ZNF516: variants seen among roughly 807,000 people sequenced by gnomAD.
ZNF516 encodes the protein zinc finger protein 516.
In ZNF516, 19 loss-of-function variants were observed where a neutral mutation model predicts 79.7. That is an observed-to-expected ratio of 0.24 (90% confidence interval 0.17 to 0.35). The LOEUF is 0.35. Ranked by LOEUF, ZNF516 falls within the 10% of genes least tolerant of loss-of-function variation. ZNF516 has a pLI of 1.00. For missense variants in ZNF516, 1,678 were observed against 1,679.5 expected (o/e 1.00, Z 0.02); for synonymous variants, 877 against 739.5 (o/e 1.19, Z -3.02).
chr18:76,401,557 C>T (rs2554831), intron 3 of ZNF516, among the ~76,000 whole-genome samples: 1 of 151,804 alleles, frequency 6.6e-6, no homozygotes, highest in Non-Finnish European at 1.5e-5. Context: ...TCTCCGCCCA[C>T]GGGCTTCTCC....
chr18:76,442,001 C>A lies in ZNF516; in HGVS notation c.1054G>T (p.Ala352Ser). 2 of 1,613,520 alleles carry A rather than the reference C, an allele frequency of 1.2e-6. No homozygotes were observed. The highest frequency in any genetic ancestry group is 2.2e-5 in the South Asian group (2 of 91,086). ...ACTCTGCGGTGGATGGCATTGTGGG[C>A]GTTCAAGCTGTCCAGGTTTGTAAAC... Reference protein sequence around the residue: ...NLFTNLDSLNAHNAIHRRVEA... With the variant: ...NLFTNLDSLNSHNAIHRRVEA... The change falls in exon 3 of 7, where the codon GCC becomes TCC. Residue 352 changes from alanine to serine, a missense_variant. Physicochemically the swap from Ala to Ser is moderately conservative, Grantham distance 99 (BLOSUM62 1). Transcript: ENST00000443185.
At chr18:76,487,651 C>T (rs957113299) in intron 1 of ZNF516, among the ~76,000 whole-genome samples, 1 of 152,094 alleles carries the variant, frequency 6.6e-6, no homozygotes, top group Non-Finnish European at 1.5e-5. Context: ...TTTCAAAATT[C>T]CTGAAAATCG....
intron 2 of ZNF516, among the ~76,000 whole-genome samples, chr18:76,444,926 GC>G (rs2145573305): frequency 1.3e-5 from 2 of 152,292 alleles, no homozygotes; most frequent in Admixed American, 1.3e-4. Flanking sequence ...TTTCCAGAAA[GC>G]CCCGCTTTGG....
intron 3 of ZNF516, among the ~76,000 whole-genome samples, chr18:76,404,900 G>T (rs1013579646): frequency 2.0e-5 from 3 of 152,212 alleles, no homozygotes. Context: ...GAGTAGGAGC[G>T]TGTGTGTGTG....
intron 3 of ZNF516, among the ~76,000 whole-genome samples, chr18:76,405,803 G>A (rs1370008162): frequency 2.0e-5 from 3 of 152,056 alleles, no homozygotes; most frequent in East Asian, 2.0e-4. Flanking sequence ...GCCTGATGAC[G>A]GCTGCCCCTC....
At chr18:76,405,336 G>A (rs577219511) in intron 3 of ZNF516, among the ~76,000 whole-genome samples, 84 of 152,170 alleles carry the variant, frequency 5.5e-4, no homozygotes, top group African/African-American at 1.9e-3. Context: ...GGGCTCAAGC[G>A]ATCCTCCCGC....
intron 1 of ZNF516, among the ~76,000 whole-genome samples, chr18:76,486,136 GA>G (rs1017451891): frequency 2.0e-5 from 3 of 151,906 alleles, no homozygotes; most frequent in African/African-American, 7.3e-5. Flanking sequence ...TGTATCGGTG[GA>G]AAAAAAGTGA....
chr18:76,379,881 T>C lies in ZNF516; in HGVS notation c.2233A>G (p.Ser745Gly), dbSNP rs746800881. The C allele has an allele frequency of 3.1e-5, 50 of 1,613,824 alleles. No homozygotes were observed. The highest frequency in any genetic ancestry group is 1.4e-5 in the Non-Finnish European group (17 of 1,179,888). The change falls in exon 4 of 7, where the codon AGC becomes GGC. Residue 745 changes from serine (S) to glycine (G), a missense_variant. By Grantham distance (56) the Ser-to-Gly change is moderately conservative. Coordinates refer to ENST00000443185, the MANE Select transcript of ZNF516 (RefSeq NM_014643.4). Reference sequence around the variant, plus strand: ...AGGGAGGAGGCCGTCTCCTTATTGCTGGGGTCATCCCGCGTCGACCTCGCA... The same window carrying C: ...AGGGAGGAGGCCGTCTCCTTATTGCCGGGGTCATCCCGCGTCGACCTCGCA... ...LSARSTRDDP[S>G]NKETASSLQA...
chr18:76,396,233 T>A (rs1022562209), intron 3 of ZNF516, among the ~76,000 whole-genome samples: 4 of 152,028 alleles, frequency 2.6e-5, no homozygotes, highest in Non-Finnish European at 5.9e-5. Flanking sequence ...GAAAAATCTA[T>A]GAAACTAGCC....
At chr18:76,441,114 G>C (rs35764306) in intron 3 of ZNF516, 131 bp downstream of exon 3, 9 of 1,328,140 alleles carry the variant, frequency 6.8e-6, no homozygotes, top group Non-Finnish European at 9.1e-6. Context: ...CTGAGCATAG[G>C]CCTAGCTGAG....
intron 1 of ZNF516, among the ~76,000 whole-genome samples, chr18:76,491,241 C>CAG (rs1915173864): frequency 6.8e-6 from 1 of 147,636 alleles, no homozygotes; most frequent in African/African-American, 2.5e-5. Context: ...GAGCCCCGCG[C>CAG]AGACCCCAGT....
chr18:76,413,199 C>G (rs2075392429), intron 3 of ZNF516, among the ~76,000 whole-genome samples: 1 of 152,204 alleles, frequency 6.6e-6, no homozygotes, highest in Non-Finnish European at 1.5e-5. Flanking sequence ...CTCTCTCTCT[C>G]CTTAGTGACT....
At chr18:76,462,324 G>A (rs1913169796) in intron 2 of ZNF516, among the ~76,000 whole-genome samples, 1 of 152,172 alleles carries the variant, frequency 6.6e-6, no homozygotes, top group Non-Finnish European at 1.5e-5. Flanking sequence ...GATTACTGAA[G>A]AACAACACAA....
intron 3 of ZNF516, among the ~76,000 whole-genome samples, chr18:76,402,957 A>G (rs1410490486): frequency 1.3e-5 from 2 of 152,248 alleles, no homozygotes; most frequent in African/African-American, 2.4e-5. Flanking sequence ...TCGAAGCTAC[A>G]GGGCTGAGAG....
chr18:76,410,156 A>G (rs184072292), intron 3 of ZNF516, among the ~76,000 whole-genome samples: 6 of 152,304 alleles, frequency 3.9e-5, no homozygotes, highest in Admixed American at 1.3e-4. Context: ...CTTTGTTAGC[A>G]GCGTTAAAAA....
Position 76,463,670 on chromosome 18 carries a change from C to G in ZNF516, c.-271-529G>C, listed in dbSNP as rs566616247. ...TGCGTTTACAAAACACACTAGGGTACTAGGGAGCCAGTCTGTGACCGCAAC... is the reference window on the plus strand; with the variant it reads ...TGCGTTTACAAAACACACTAGGGTAGTAGGGAGCCAGTCTGTGACCGCAAC... On this transcript the variant is annotated intron_variant, in intron 1 of 6. Coordinates refer to ENST00000443185, the MANE Select transcript of ZNF516 (RefSeq NM_014643.4). Among the ~76,000 whole-genome samples the G allele has an allele frequency of 3.3e-5, 5 of 152,298 alleles. No individual in the cohort carries two copies. The South Asian group carries it at 1.0e-3, about 32-fold the overall frequency.
chr18:76,453,468 A>T (rs1180773159), intron 2 of ZNF516, among the ~76,000 whole-genome samples: 1 of 152,230 alleles, frequency 6.6e-6, no homozygotes, highest in African/African-American at 2.4e-5. Flanking sequence ...CTCCGTCTAC[A>T]TCTTACACTA....
At chr18:76,458,496 G>C (rs950404383) in intron 2 of ZNF516, among the ~76,000 whole-genome samples, 5 of 152,246 alleles carry the variant, frequency 3.3e-5, no homozygotes, top group Non-Finnish European at 7.3e-5. Context: ...TCCCAACACA[G>C]ATGTTTCGGG....
intron 2 of ZNF516, among the ~76,000 whole-genome samples, chr18:76,449,024 C>T (rs926589992): frequency 6.6e-6 from 1 of 152,152 alleles, no homozygotes; most frequent in Non-Finnish European, 1.5e-5. Flanking sequence ...GACCCAAGCA[C>T]AAAACACCAG....
Sources: gnomAD v4.1 joint callset for allele counts (sites outside exome capture counted in the v4.1 genomes callset) on GRCh38, gnomAD v4.1.1 for gene constraint, MANE v1.5 for transcripts, NCBI Gene and HGNC (gene_info 2026-07-23, HGNC 2026-07-21) for gene names.